ZNF707: variants seen among roughly 807,000 people sequenced by gnomAD.
The protein encoded by ZNF707 is zinc finger protein 707.
ZNF707 carries 8 observed loss-of-function variants against 13.3 expected under a neutral mutation model. That is an observed-to-expected ratio of 0.60 (90% CI 0.35 to 1.09). The LOEUF (loss-of-function observed/expected upper bound fraction) is 1.09, where lower values mean the gene tolerates loss of function less well. Among genes scored for constraint, ZNF707 ranks in the 50% least tolerant of loss-of-function variants. The pLI is 0.02. For synonymous variants in ZNF707, 225 were observed against 205.6 expected (o/e 1.09, Z -0.81); for missense variants, 530 against 512.6 (o/e 1.03, Z -0.33).
At chr8:143,687,651 A>G (rs1270774674) in intron 1 of ZNF707, among the ~76,000 whole-genome samples, 2 of 152,112 alleles carry the variant, frequency 1.3e-5, no homozygotes, top group East Asian at 3.9e-4. Flanking sequence ...CTTTCTTTGT[A>G]ATCTTATGGC....
At chr8:143,689,091 G>A (rs1554612882) in intron 1 of ZNF707, 113 bp from the exon 2 acceptor site, 1 of 152,232 alleles carries the variant, frequency 6.6e-6, no homozygotes, top group African/African-American at 2.4e-5. Context: ...TATTTTCTGT[G>A]TGGGAAGGGT....
chr8:143,685,710 A>G lies in ZNF707; in HGVS notation c.-151+1168A>G, dbSNP rs139861498. ...TAAAACAATTGCAGGGCATGTTGGCACATGCGCTTTTGGTCCCAGCTACTG... is the reference window on the plus strand; with the variant it reads ...TAAAACAATTGCAGGGCATGTTGGCGCATGCGCTTTTGGTCCCAGCTACTG... On this transcript the variant is annotated intron_variant, in intron 1 of 5. Transcript: ENST00000358656. 4.1e-3 allele frequency among the ~76,000 whole-genome samples: 627 copies of G among 152,086 alleles called. 2 individuals are homozygous for G. The highest frequency in any genetic ancestry group is 6.7e-3 in the Admixed American group (102 of 15,266).
intron 1 of ZNF707, among the ~76,000 whole-genome samples, chr8:143,685,366 A>G (rs534615320): frequency 6.6e-6 from 1 of 152,092 alleles, no homozygotes; most frequent in Non-Finnish European, 1.5e-5. Context: ...TCTACAAAAA[A>G]TACAAAAATT....
rs1260369225 is a variant in ZNF707 at position 143,685,378 on chromosome 8, G to A, written c.-151+836G>A. ...GTCTCTACAAAAAATACAAAAATTA[G>A]CCGGGTGTGGTGGTGCACGCCTGTA... On this transcript the variant is annotated intron_variant, in intron 1 of 5. Coordinates refer to ENST00000358656, the MANE Select transcript of ZNF707 (RefSeq NM_001100598.2). Among the ~76,000 whole-genome samples, 2 of 152,110 alleles carry A rather than the reference G, an allele frequency of 1.3e-5. 1 individual carries two copies. Among genetic ancestry groups the A allele is most frequent in the Admixed American group, 1.3e-4 (2 of 15,254 alleles).
chr8:143,685,932 C>G (rs2131500885), intron 1 of ZNF707, among the ~76,000 whole-genome samples: 1 of 152,320 alleles, frequency 6.6e-6, no homozygotes, highest in Non-Finnish European at 1.5e-5. Context: ...AACTTTGTTG[C>G]ATTACACATG....
intron 1 of ZNF707, chr8:143,688,919 C>A (rs782433604): frequency 6.6e-6 from 1 of 152,312 alleles, no homozygotes; most frequent in Non-Finnish European, 1.5e-5. Context: ...TGCTTGGCCC[C>A]TTGTAATATC....
At position 143,690,120 on chromosome 8, in the gene ZNF707, C is replaced by T; in HGVS notation, c.12C>T (p.Ala4=). MDM[A]QEPVTFRDVA... ...GCCTCGCTGTTCCCATGGACATGGC[C>T]CAGGTGAGCCCTGCTGCTGCCGAGC... Residue 4 remains alanine (A), a synonymous_variant, in exon 3 of 6, where the codon GCC becomes GCT. Coordinates refer to ENST00000358656, the MANE Select transcript of ZNF707 (RefSeq NM_001100598.2). The T allele has an allele frequency of 6.2e-7, 1 of 1,607,150 alleles. No homozygotes were observed. Among genetic ancestry groups the T allele is most frequent in the South Asian group, 1.1e-5 (1 of 91,072 alleles).
intron 1 of ZNF707, among the ~76,000 whole-genome samples, chr8:143,687,172 G>T (rs1019411389): frequency 6.6e-5 from 10 of 151,342 alleles, no homozygotes; most frequent in Non-Finnish European, 1.3e-4. Context: ...CATCCGGCCT[G>T]AATTTGTAAT....
At position 143,694,841 on chromosome 8, in the gene ZNF707, G is replaced by A; in HGVS notation, c.*311G>A. On this transcript the variant is annotated 3_prime_UTR_variant, in exon 6 of 6. Coordinates refer to ENST00000358656, the MANE Select transcript of ZNF707 (RefSeq NM_001100598.2). The surrounding 1 kb of genome is among the most constrained non-coding windows in gnomAD (Gnocchi z 4.4). ...GCCACGTGCCAGGCCGGGCTCAGAG[G>A]CGGAGAAGCCTGCCTGGTGCCCACA... 2 of 310,186 alleles carry A rather than the reference G, an allele frequency of 6.4e-6. No homozygotes were observed. The highest frequency in any genetic ancestry group is 1.2e-5 in the Non-Finnish European group (2 of 169,406). The allele number at this position is 310,186 out of a possible 1,614,324, so 19.2% of individuals were successfully genotyped here.
chr8:143,694,230 G>C lies in ZNF707; in HGVS notation c.816G>C (p.Lys272Asn), dbSNP rs1554614667. Residue 272 changes from lysine to asparagine, a missense_variant, in exon 6 of 6, where the codon AAG (lysine) becomes AAC (asparagine). Transcript: ENST00000358656. The surrounding 1 kb of genome is among the most constrained non-coding windows in gnomAD (Gnocchi z 4.4). ...ACTGTGGGAAAGCCTTCAAGCAGAA[G>C]TCCAACCTTCTCAGACACCAGCTGG... The part of the protein sequence containing the change: ...CGDCGKAFKQ[K>N]SNLLRHQLVH... The C allele has an allele frequency of 1.3e-6, 2 of 1,587,244 alleles. No homozygotes were observed. The highest frequency in any genetic ancestry group is 1.7e-6 in the Non-Finnish European group (2 of 1,167,110).
At chr8:143,690,559 CAAAAA>C in intron 3 of ZNF707, 1 of 186,878 alleles carries the variant, frequency 5.4e-6, no homozygotes. Context: ...GACTCCGTCT[CAAAAA>C]AGAAAAAAAA....
In ZNF707 at chr8:143,693,965, C is replaced by A; in HGVS notation, c.551C>A (p.Ala184Glu). ...TTCATCTGCGGCACGTGCGGGAAGG[C>A]GCTCAGCTGCCACAGCCGGCTGCTC... is the stretch of plus-strand genomic sequence containing the variant. The part of the protein sequence containing the change: ...LSFICGTCGK[A>E]LSCHSRLLAH... The change falls in exon 6 of 6, where the codon GCG (alanine) becomes GAG (glutamate). Residue 184 changes from alanine to glutamate, a missense_variant. Coordinates refer to ENST00000358656, the MANE Select transcript of ZNF707 (RefSeq NM_001100598.2). The surrounding 1 kb of genome is among the most constrained non-coding windows in gnomAD (Gnocchi z 4.1). 6.3e-7 allele frequency: 1 copy of A among 1,599,452 alleles called. No individual in the cohort carries two copies.
intron 4 of ZNF707, 91 bp from the exon 5 acceptor site, chr8:143,691,509 C>G: frequency 7.3e-7 from 1 of 1,371,152 alleles, no homozygotes; most frequent in Non-Finnish European, 9.9e-7. Context: ...GCTGGCCTGG[C>G]GTCTTAGGCT....
intron 3 of ZNF707, among the ~76,000 whole-genome samples, chr8:143,690,748 G>A (rs192654175): frequency 8.5e-5 from 13 of 152,330 alleles, no homozygotes; most frequent in African/African-American, 3.1e-4. Flanking sequence ...AGATGCTGCA[G>A]ATCTGGTTTC....
chr8:143,691,270 C>G, intron 4 of ZNF707, 71 bp downstream of exon 4: 1 of 1,539,328 alleles, frequency 6.5e-7, no homozygotes, highest in Non-Finnish European at 8.8e-7. Context: ...CCTCTGGGCC[C>G]AGCTCGTCCA....
At chr8:143,690,978 G>A (rs1278040874) in intron 3 of ZNF707, 95 bp from the exon 4 acceptor site, 23 of 1,487,366 alleles carry the variant, frequency 1.5e-5, no homozygotes, top group Middle Eastern at 1.9e-4. Flanking sequence ...TCAGTCCACC[G>A]CAGGGCCACT....
Position 143,693,651 on chromosome 8 carries a change from G to A in ZNF707, c.257-20G>A. The stretch of plus-strand genomic sequence containing the variant: ...CTGTGGGCCACTGGCTCTGTGTAAG[G>A]GTGTCTGTTCCTTCCACAGGGGCAA... On this transcript the variant is annotated intron_variant, in intron 5 of 5. Coordinates refer to ENST00000358656, the MANE Select transcript of ZNF707 (RefSeq NM_001100598.2). The surrounding 1 kb of genome is among the most constrained non-coding windows in gnomAD (Gnocchi z 4.1). The A allele has an allele frequency of 6.5e-7, 1 of 1,549,210 alleles. No homozygotes were observed. Among genetic ancestry groups the A allele is most frequent in the East Asian group, 2.3e-5 (1 of 44,198 alleles).
In ZNF707 at chr8:143,691,169, C is replaced by G; in HGVS notation, c.112C>G (p.Leu38Val). ...SQRALYRDVM[L>V]DNFSSVAALG... Reference sequence around the variant, plus strand: ...GAGGGCCCTCTACCGGGACGTGATGCTGGACAACTTCAGCAGTGTGGCTGC... The same window carrying G: ...GAGGGCCCTCTACCGGGACGTGATGGTGGACAACTTCAGCAGTGTGGCTGC... Residue 38 changes from leucine (L) to valine (V), a missense_variant, in exon 4 of 6, where the codon CTG (leucine) becomes GTG (valine). Leu to Val is a conservative substitution (Grantham distance 32, BLOSUM62 1). Coordinates refer to ENST00000358656, the MANE Select transcript of ZNF707 (RefSeq NM_001100598.2). The G allele has an allele frequency of 6.2e-7, 1 of 1,613,560 alleles. No individual in the cohort carries two copies. The highest frequency in any genetic ancestry group is 8.5e-7 in the Non-Finnish European group (1 of 1,179,666).
In ZNF707 at chr8:143,693,283, CT is replaced by C. The variant is rs782193862; in HGVS notation, c.257-373del. Reference sequence around the variant, plus strand: ...GCACACAGCAGGAGGGTCCTCTGGGCTTTTTTTTTTTTTTTGAGACGGAGTC... The same window carrying C: ...GCACACAGCAGGAGGGTCCTCTGGGCTTTTTTTTTTTTTTGAGACGGAGTC... On this transcript the variant is annotated intron_variant, in intron 5 of 5. Coordinates refer to ENST00000358656, the MANE Select transcript of ZNF707 (RefSeq NM_001100598.2). The surrounding 1 kb of genome is among the most constrained non-coding windows in gnomAD (Gnocchi z 4.1). Among the ~76,000 whole-genome samples, 554 of 141,698 alleles carry C rather than the reference CT, an allele frequency of 3.9e-3. 1 individual carries two copies. Among genetic ancestry groups the C allele is most frequent in the Middle Eastern group, 7.1e-3 (2 of 282 alleles). 93.0% of individuals were successfully genotyped at this position (141,698 alleles called of 152,430 possible). A position where few individuals can be genotyped will look rare whatever the true frequency, so the allele number is the denominator to read the frequency against.
Sources: allele counts gnomAD v4.1 joint callset (sites outside exome capture counted in the v4.1 genomes callset), GRCh38; gene constraint gnomAD v4.1.1; non-coding constraint Gnocchi (gnomAD v3.1); transcripts MANE v1.5; gene names NCBI Gene and HGNC (gene_info 2026-07-23, HGNC 2026-07-21).